Variants in GSE1 observed in about 807,000 individuals in gnomAD.
GSE1 encodes the protein genetic suppressor element 1.
A neutral mutation model predicts 112.6 loss-of-function variants in GSE1; 32 were observed. The observed-to-expected ratio is 0.28, with a 90% CI of 0.21 to 0.38. The LOEUF (loss-of-function observed/expected upper bound fraction) is 0.38, where lower values mean the gene tolerates loss of function less well. GSE1 is among the 10% of genes least tolerant of loss of function. The probability of loss-of-function intolerance (pLI) is 1.00; values close to 1 mark genes in which losing one functional copy is unlikely to be tolerated. For missense variants in GSE1, 2,348 were observed against 1,699.2 expected, an observed-to-expected ratio of 1.38 and a Z score of -6.71; for synonymous variants, 1,115 against 735.6, an observed-to-expected ratio of 1.52 and a Z score of -8.35.
chr16:85,221,474 GAC>G (rs1322921926), intron 1 of GSE1, among the ~76,000 whole-genome samples: 2 of 152,026 alleles, frequency 1.3e-5, no homozygotes, highest in African/African-American at 4.8e-5. Flanking sequence ...GACGCACACA[GAC>G]ACACACTGCT....
At chr16:85,538,254 T>A (rs989438948) in intron 2 of GSE1, among the ~76,000 whole-genome samples, 1 of 152,264 alleles carries the variant, frequency 6.6e-6, no homozygotes, top group Non-Finnish European at 1.5e-5. Flanking sequence ...CTCTGCCCTT[T>A]GCTTTCAGCC....
At chr16:85,368,703 A>G (rs2151593298) in intron 2 of GSE1, among the ~76,000 whole-genome samples, 1 of 152,278 alleles carries the variant, frequency 6.6e-6, no homozygotes, top group African/African-American at 2.4e-5. Context: ...AGACCCTGTC[A>G]CTAAAAAACT....
At chr16:85,181,646 G>A (rs570508207) in intron 1 of GSE1, among the ~76,000 whole-genome samples, 2 of 152,344 alleles carry the variant, frequency 1.3e-5, no homozygotes, top group South Asian at 2.1e-4. Flanking sequence ...CTCCCGCTTC[G>A]GGTGGGAAGG....
intron 1 of GSE1, among the ~76,000 whole-genome samples, chr16:85,197,458 A>G (rs1177201028): frequency 6.6e-6 from 1 of 152,216 alleles, no homozygotes; most frequent in African/African-American, 2.4e-5. Context: ...CTGTTCCAGC[A>G]TAACACCCAG....
chr16:85,518,923 C>T (rs981360665), intron 2 of GSE1, among the ~76,000 whole-genome samples: 14 of 152,148 alleles, frequency 9.2e-5, no homozygotes, highest in African/African-American at 1.9e-4. Context: ...TCCGCTGGCT[C>T]GTGTTTTTCT....
intron 2 of GSE1, among the ~76,000 whole-genome samples, chr16:85,424,241 A>G (rs1174962548): frequency 2.6e-5 from 4 of 152,280 alleles, no homozygotes; most frequent in African/African-American, 9.6e-5. Flanking sequence ...GGAACAGGGC[A>G]CAAAGCCCCC....
rs12600313 is a variant in GSE1 at position 85,330,558 on chromosome 16, C to A, written c.2284-26905C>A. 1.4e-3 allele frequency among the ~76,000 whole-genome samples: 207 copies of A among 152,354 alleles called. 3 individuals are homozygous for A. In the East Asian group the frequency reaches 0.032, roughly 24 times the overall value. On this transcript the variant is annotated intron_variant, in intron 1 of 2. Transcript: ENST00000637419. ...ACAGCCCCTCGCAGCAGGCGCCTCA[C>A]CTGGGGCACTGTGAGGGGCTGCAGC...
chr16:85,650,862 C>A (rs188477605), intron 3 of GSE1, among the ~76,000 whole-genome samples: 2 of 151,932 alleles, frequency 1.3e-5, no homozygotes, highest in African/African-American at 2.4e-5. Context: ...GTTGCCGGGC[C>A]GGAGGCTTCT....
At chr16:85,285,128 G>A (rs1323518251) in intron 1 of GSE1, 1 of 152,242 alleles carries the variant, frequency 6.6e-6, no homozygotes, top group Non-Finnish European at 1.5e-5. Flanking sequence ...GGTGAAGCCT[G>A]GCAGATGTCA....
At chr16:85,613,446 C>T (rs555346742) in intron 1 of GSE1, 48 bp downstream of exon 1, 4 of 1,496,764 alleles carry the variant, frequency 2.7e-6, no homozygotes, top group East Asian at 2.6e-5. Flanking sequence ...CCCCTCCCCC[C>T]ACCGCACTGT....
intron 10 of GSE1, 114 bp from the exon 11 acceptor site, chr16:85,663,230 C>T (rs1240830747): frequency 8.2e-6 from 11 of 1,343,956 alleles, no homozygotes; most frequent in Non-Finnish European, 1.1e-5. Context: ...CTTCTCCCAC[C>T]AGGCGCAGCC....
intron 1 of GSE1, among the ~76,000 whole-genome samples, chr16:85,221,848 C>T (rs2075399194): frequency 6.6e-6 from 1 of 152,200 alleles, no homozygotes; most frequent in Non-Finnish European, 1.5e-5. Flanking sequence ...GAGCCCACGT[C>T]AGTCCCGCTT....
At position 85,398,945 on chromosome 16, in the gene GSE1, ATGTT is replaced by A. The variant is rs140733026; in HGVS notation, c.2464+41306_2464+41309del. ...TCGAGTGTGTATCCACATGCGTTGTATGTTTGTGTGTGCCTCTGGGTGTGTGTGT... is the reference window on the plus strand; with the variant it reads ...TCGAGTGTGTATCCACATGCGTTGTATGTGTGTGCCTCTGGGTGTGTGTGT... On this transcript the variant is annotated intron_variant, in intron 2 of 2. Coordinates refer to the GSE1 transcript ENST00000637419. 5.7e-4 allele frequency among the ~76,000 whole-genome samples: 87 copies of A among 152,080 alleles called. 1 individual carries two copies. Among genetic ancestry groups the A allele is most frequent in the East Asian group, 5.2e-3 (27 of 5,166 alleles).
At chr16:85,377,818 C>T (rs1008883796) in intron 2 of GSE1, among the ~76,000 whole-genome samples, 6 of 152,202 alleles carry the variant, frequency 3.9e-5, no homozygotes, top group African/African-American at 9.6e-5. Flanking sequence ...CCAAATGGCC[C>T]GGCATCCACA....
At chr16:85,230,421 A>G (rs1597854008) in intron 1 of GSE1, among the ~76,000 whole-genome samples, 1 of 152,180 alleles carries the variant, frequency 6.6e-6, no homozygotes, top group Non-Finnish European at 1.5e-5. Flanking sequence ...CGCAAACCCA[A>G]CTCAGACTCA....
At chr16:85,273,844 G>A (rs1567654809) in intron 1 of GSE1, among the ~76,000 whole-genome samples, 1 of 151,292 alleles carries the variant, frequency 6.6e-6, no homozygotes, top group Non-Finnish European at 1.5e-5. Flanking sequence ...TACCTGCCAC[G>A]ACACTCGGCT....
intron 1 of GSE1, among the ~76,000 whole-genome samples, chr16:85,270,899 G>A (rs572364875): frequency 4.6e-5 from 7 of 152,274 alleles, no homozygotes; most frequent in African/African-American, 7.2e-5. Flanking sequence ...GAAGGCACCC[G>A]GTGCAGGCAC....
chr16:85,261,961 T>C lies in GSE1; in HGVS notation c.2283+90154T>C, dbSNP rs75497125. Among the ~76,000 whole-genome samples the C allele has an allele frequency of 7.1e-3, 1,074 of 152,290 alleles. 8 individuals are homozygous for C. Among genetic ancestry groups the C allele is most frequent in the African/African-American group, 0.024 (1,013 of 41,544 alleles). ...CTCATAGGCTCTCCCCCATGCCTTA[T>C]GTCGGGATGTTTGTCTCCCCCACTT... On this transcript the variant is annotated intron_variant, in intron 1 of 2. Coordinates refer to the GSE1 transcript ENST00000637419.
At chr16:85,347,230 C>T (rs1037186509) in intron 1 of GSE1, among the ~76,000 whole-genome samples, 19 of 152,150 alleles carry the variant, frequency 1.2e-4, no homozygotes, top group Middle Eastern at 3.4e-3. Flanking sequence ...TGGGAGGGGT[C>T]CCTGGGAGAG....
Sources: allele counts gnomAD v4.1 joint callset (sites outside exome capture counted in the v4.1 genomes callset), GRCh38; gene constraint gnomAD v4.1.1; transcripts MANE v1.5; gene names NCBI Gene and HGNC (gene_info 2026-07-23, HGNC 2026-07-21).